HSD17B3: variants seen among roughly 807,000 people sequenced by gnomAD.
HSD17B3 encodes the protein 17-beta-hydroxysteroid dehydrogenase type 3.
Under a neutral mutation model 41.1 loss-of-function variants are expected in HSD17B3, and 29 were observed. That is an observed-to-expected ratio of 0.71 (90% CI 0.53 to 0.96). The LOEUF (loss-of-function observed/expected upper bound fraction) is 0.96. Ranked by LOEUF, HSD17B3 falls within the 40% of genes least tolerant of loss-of-function variation. The pLI, the probability that HSD17B3 is intolerant of heterozygous loss-of-function variation, is 0.00. For synonymous variants in HSD17B3, 126 were observed against 145.6 expected, an observed-to-expected ratio of 0.87 and a Z score of 0.97; for missense variants, 323 against 374.6, an observed-to-expected ratio of 0.86 and a Z score of 1.14.
At chr9:96,246,825 T>C (rs1055408429) in intron 6 of HSD17B3, among the ~76,000 whole-genome samples, 31 of 152,168 alleles carry the variant, frequency 2.0e-4, no homozygotes, top group Non-Finnish European at 4.0e-4. Flanking sequence ...CTCTGATTTC[T>C]TCCCCCTAAA....
At chr9:96,246,402 G>GTT in intron 7 of HSD17B3, 154 bp downstream of exon 7, 1 of 746,558 alleles carries the variant, frequency 1.3e-6, no homozygotes, top group Non-Finnish European at 2.4e-6. Flanking sequence ...AGAACGTTAT[G>GTT]TTTTTTTTCC....
intron 6 of HSD17B3, 180 bp downstream of exon 6, chr9:96,249,571 T>C: frequency 1.5e-6 from 1 of 646,090 alleles, no homozygotes; most frequent in Non-Finnish European, 2.8e-6. Flanking sequence ...AATCCATTAC[T>C]GTATTTTCTA....
At chr9:96,238,327 T>C (rs555547922) in intron 10 of HSD17B3, among the ~76,000 whole-genome samples, 64 of 152,038 alleles carry the variant, frequency 4.2e-4, no homozygotes, top group Non-Finnish European at 7.2e-4. Context: ...CCATCCCCAC[T>C]GGAGAGGGCT....
intron 2 of HSD17B3, among the ~76,000 whole-genome samples, chr9:96,283,835 G>T (rs1165685638): frequency 1.3e-5 from 2 of 151,984 alleles, no homozygotes; most frequent in Admixed American, 6.6e-5. Context: ...TGTGACATTA[G>T]AATAGAGGAA....
At chr9:96,274,210 G>T (rs1473254667) in intron 2 of HSD17B3, among the ~76,000 whole-genome samples, 1 of 152,070 alleles carries the variant, frequency 6.6e-6, no homozygotes. Flanking sequence ...AGGCCATGGT[G>T]GGTGGATCAC....
chr9:96,252,860 C>A lies in HSD17B3; in HGVS notation c.328G>T (p.Asp110Tyr), dbSNP rs150424854. The change falls in exon 4 of 11, where the codon GAT becomes TAT. Residue 110 changes from aspartate (D) to tyrosine (Y), a missense_variant. Asp to Tyr is a radical substitution (Grantham distance 160). Coordinates refer to ENST00000375263, the MANE Select transcript of HSD17B3 (RefSeq NM_000197.2). ...VKIIQADFTKDDIYEHIKEKL... is the reference protein window; with the variant it reads ...VKIIQADFTKYDIYEHIKEKL... ...TCTTTAATATGCTCGTAGATGTCAT[C>A]TTTTGTAAAATCTGCTTGTATAATC... The A allele has an allele frequency of 2.7e-5, 43 of 1,613,660 alleles. No individual in the cohort carries two copies. The highest frequency in any genetic ancestry group is 1.6e-4 in the Middle Eastern group (1 of 6,082).
chr9:96,298,708 T>C (rs1827460075), intron 1 of HSD17B3, among the ~76,000 whole-genome samples: 1 of 151,882 alleles, frequency 6.6e-6, no homozygotes, highest in Non-Finnish European at 1.5e-5. Context: ...TTAGTTGGTG[T>C]TTTGGAGGGA....
At chr9:96,277,432 AG>A (rs1158903741) in intron 2 of HSD17B3, among the ~76,000 whole-genome samples, 1 of 152,244 alleles carries the variant, frequency 6.6e-6, no homozygotes, top group Non-Finnish European at 1.5e-5. Flanking sequence ...ATTTTTCAAA[AG>A]AAAACATACA....
rs71368240 is a variant in HSD17B3, at chr9:96,262,229, C to CTTTTTTTT, written c.202-7294_202-7287dup. On this transcript the variant is annotated intron_variant, in intron 2 of 10. Transcript: ENST00000375263. ...ACAGTGGTTGTAAACATGTCAATTG[C>CTTTTTTTT]TTTTTTTTTTTTTTTTTTTTTTTTT... 4.6e-4 allele frequency among the ~76,000 whole-genome samples: 25 copies of CTTTTTTTT among 54,206 alleles called. 1 individual carries two copies. The highest frequency in any genetic ancestry group is 5.6e-4 in the African/African-American group (7 of 12,518). The allele number at this position is 54,206 out of a possible 152,430, so 35.6% of individuals were successfully genotyped here.
chr9:96,302,173 C>A lies in HSD17B3; in HGVS notation c.-69G>T. ...GTGTATGCCTCCTGGGACCACGCTGCTCTGGAGACCTCCAGATCTTCTTCC... is the reference window on the plus strand; with the variant it reads ...GTGTATGCCTCCTGGGACCACGCTGATCTGGAGACCTCCAGATCTTCTTCC... On this transcript the variant is annotated 5_prime_UTR_variant, in exon 1 of 11. Transcript: ENST00000375263. 1 of 1,500,232 alleles carries A rather than the reference C, an allele frequency of 6.7e-7. No individual in the cohort carries two copies. The highest frequency in any genetic ancestry group is 9.2e-7 in the Non-Finnish European group (1 of 1,090,322). 92.9% of individuals were successfully genotyped at this position (1,500,232 alleles called of 1,614,324 possible). A position where few individuals can be genotyped will look rare whatever the true frequency, so the allele number is the denominator to read the frequency against.
chr9:96,276,103 C>T (rs1380854818), intron 2 of HSD17B3, among the ~76,000 whole-genome samples: 6 of 73,850 alleles, frequency 8.1e-5, no homozygotes, highest in African/African-American at 3.4e-4. Flanking sequence ...GAGATCCTGT[C>T]TCATAAAAAA....
intron 5 of HSD17B3, chr9:96,250,186 A>G (rs1200361880): frequency 8.7e-7 from 1 of 1,152,926 alleles, no homozygotes; most frequent in Non-Finnish European, 1.1e-6. Flanking sequence ...GTTCTGGGCT[A>G]TGGAGGGCAG....
chr9:96,271,842 T>C (rs1826254865), intron 2 of HSD17B3, among the ~76,000 whole-genome samples: 2 of 152,174 alleles, frequency 1.3e-5, no homozygotes, highest in African/African-American at 4.8e-5. Flanking sequence ...GGAATGGTTT[T>C]TCCTTACCTT....
At chr9:96,244,589 G>A (rs1338463672) in intron 8 of HSD17B3, among the ~76,000 whole-genome samples, 195 bp from the exon 9 acceptor site, 1 of 151,948 alleles carries the variant, frequency 6.6e-6, no homozygotes, top group Non-Finnish European at 1.5e-5. Context: ...TATACAGCAT[G>A]GTGACAAAAG....
intron 1 of HSD17B3, among the ~76,000 whole-genome samples, chr9:96,299,537 ACACT>A (rs1459874868): frequency 7.2e-5 from 11 of 152,328 alleles, no homozygotes; most frequent in African/African-American, 2.4e-4. Flanking sequence ...TAACGGTCAC[ACACT>A]CACTTCTTGC....
intron 2 of HSD17B3, among the ~76,000 whole-genome samples, chr9:96,260,679 C>T (rs375710931): frequency 1.3e-5 from 2 of 152,066 alleles, no homozygotes; most frequent in Non-Finnish European, 2.9e-5. Flanking sequence ...GCAAGAAAAT[C>T]GCTTGAATCC....
intron 2 of HSD17B3, among the ~76,000 whole-genome samples, chr9:96,267,094 A>T (rs1170723433): frequency 3.9e-5 from 6 of 152,028 alleles, no homozygotes; most frequent in African/African-American, 1.4e-4. Context: ...TAACTTGAAG[A>T]CAGACTGCCA....
chr9:96,264,906 G>T (rs991757094), intron 2 of HSD17B3, among the ~76,000 whole-genome samples: 2 of 152,018 alleles, frequency 1.3e-5, no homozygotes, highest in Non-Finnish European at 2.9e-5. Flanking sequence ...GACCAGAATC[G>T]CATACATTCT....
At chr9:96,267,229 T>G (rs1826074156) in intron 2 of HSD17B3, among the ~76,000 whole-genome samples, 1 of 151,232 alleles carries the variant, frequency 6.6e-6, no homozygotes, top group Non-Finnish European at 1.5e-5. Context: ...CAATCTCGGC[T>G]CACTGCAACC....
Sources: allele counts gnomAD v4.1 joint callset (sites outside exome capture counted in the v4.1 genomes callset), GRCh38; gene constraint gnomAD v4.1.1; transcripts MANE v1.5; gene names NCBI Gene and HGNC (gene_info 2026-07-23, HGNC 2026-07-21).